AP1G1: variants seen among roughly 807,000 people sequenced by gnomAD.
AP1G1 encodes the protein adaptor related protein complex 1 subunit gamma 1.
A neutral mutation model predicts 108.3 loss-of-function variants in AP1G1; 7 were observed. The observed-to-expected ratio is 0.06, with a 90% CI of 0.04 to 0.12. The LOEUF is 0.12. Ranked by LOEUF, AP1G1 falls within the 10% of genes least tolerant of loss-of-function variation. The pLI is 1.00. For missense variants in AP1G1, 756 were observed against 1,010.7 expected (o/e 0.75, Z 3.42); for synonymous variants, 379 against 353.5 (o/e 1.07, Z -0.81).
chr16:71,799,076 C>A (rs963720925), intron 1 of AP1G1, among the ~76,000 whole-genome samples: 1 of 151,904 alleles, frequency 6.6e-6, no homozygotes, highest in African/African-American at 2.4e-5. Flanking sequence ...ATAAGGCTAG[C>A]CCCAGTAACA....
intron 22 of AP1G1, 64 bp downstream of exon 22, chr16:71,734,545 A>G: frequency 7.4e-7 from 1 of 1,350,490 alleles, no homozygotes; most frequent in Non-Finnish European, 1.1e-6. Context: ...AACAAAGCAG[A>G]ATTTTATTTC....
chr16:71,788,428 T>C (rs1429287964), intron 2 of AP1G1, among the ~76,000 whole-genome samples: 1 of 152,174 alleles, frequency 6.6e-6, no homozygotes, highest in Non-Finnish European at 1.5e-5. Flanking sequence ...TCATTGAGAC[T>C]ATCATTCTCA....
At chr16:71,744,366 A>T (rs2030047905) in intron 19 of AP1G1, among the ~76,000 whole-genome samples, 1 of 152,198 alleles carries the variant, frequency 6.6e-6, no homozygotes, top group African/African-American at 2.4e-5. Context: ...ATGTTTGAAT[A>T]TTATGAGTGA....
chr16:71,771,652 A>T (rs1340561375), intron 4 of AP1G1, among the ~76,000 whole-genome samples: 1 of 152,248 alleles, frequency 6.6e-6, no homozygotes, highest in Non-Finnish European at 1.5e-5. Flanking sequence ...AAGTAGGCAA[A>T]AACTTTCTAC....
Position 71,772,643 on chromosome 16 carries a change from C to T in AP1G1, c.468+578G>A, listed in dbSNP as rs2031621197. 3.9e-5 allele frequency among the ~76,000 whole-genome samples: 6 copies of T among 152,174 alleles called. No homozygotes were observed. In the South Asian group the frequency reaches 1.2e-3, roughly 31 times the overall value. ...TTCCCAAACCATTAATAGAGAGGCA[C>T]AGTAAATGCCAAACAGATCACAGTT... is the stretch of plus-strand genomic sequence containing the variant. On this transcript the variant is annotated intron_variant, in intron 4 of 22. Transcript: ENST00000299980.
Position 71,768,500 on chromosome 16 carries a change from C to CAAAAAAA in AP1G1, c.642+1116_642+1122dup, listed in dbSNP as rs527404594. On this transcript the variant is annotated intron_variant, in intron 6 of 22. Coordinates refer to ENST00000299980, the MANE Select transcript of AP1G1 (RefSeq NM_001128.6). ...TGGGCGACAGAGCCAGACTCCGCCA[C>CAAAAAAA]AAAAAAAAAAAAAGAGAGAAGGGAG... Among the ~76,000 whole-genome samples, 24 of 83,734 alleles carry CAAAAAAA rather than the reference C, an allele frequency of 2.9e-4. 6 individuals are homozygous for CAAAAAAA. The highest frequency in any genetic ancestry group is 1.3e-3 in the Admixed American group (7 of 5,562). The allele number at this position is 83,734 out of a possible 152,430, so 54.9% of individuals were successfully genotyped here.
chr16:71,763,285 T>G (rs1447678333), intron 9 of AP1G1, among the ~76,000 whole-genome samples: 1 of 152,210 alleles, frequency 6.6e-6, no homozygotes, highest in East Asian at 1.9e-4. Context: ...TTTTTTCTTG[T>G]ATCTCTTCAG....
intron 22 of AP1G1, among the ~76,000 whole-genome samples, chr16:71,733,874 CAGT>C (rs1462097664): frequency 6.6e-6 from 1 of 152,158 alleles, no homozygotes; most frequent in East Asian, 1.9e-4. Context: ...CAGGTAACAG[CAGT>C]AGTTTTAAGA....
intron 1 of AP1G1, chr16:71,808,278 C>T: frequency 1.1e-6 from 1 of 925,876 alleles, no homozygotes; most frequent in Non-Finnish European, 1.4e-6. Context: ...GGCCGATGTC[C>T]GGTTCCGAGA....
chr16:71,808,253 G>T (rs1400123193), intron 1 of AP1G1: 2 of 1,047,030 alleles, frequency 1.9e-6, no homozygotes, highest in East Asian at 1.4e-4. Flanking sequence ...TGGTCGGAAG[G>T]TTAGAGAGAG....
Position 71,774,477 on chromosome 16 carries a change from C to G in AP1G1, c.317G>C (p.Cys106Ser), listed in dbSNP as rs758371636. The G allele has an allele frequency of 2.5e-6, 4 of 1,597,328 alleles. No homozygotes were observed. The South Asian group carries it at 4.6e-5, about 18-fold the overall frequency. ...GAAAAGTAAGACTTACTTCTTGATACAGTTGGTCATGAGAAGATGGACATC... is the reference window on the plus strand; with the variant it reads ...GAAAAGTAAGACTTACTTCTTGATAGAGTTGGTCATGAGAAGATGGACATC... ...RQDVHLLMTN[C>S]IKNDLNHSTQ... is the part of the protein sequence containing the mutation. Residue 106 changes from cysteine to serine, a missense_variant, in exon 3 of 23, where the codon TGT becomes TCT. Around this residue, in one of 3 missense-constraint regions of AP1G1, gnomAD observed 304 missense variants for 483.6 expected, o/e 0.63. Transcript: ENST00000299980.
chr16:71,732,257 T>A lies in AP1G1; in HGVS notation c.*801A>T, dbSNP rs914616144. 6.5e-5 allele frequency: 10 copies of A among 152,688 alleles called. No individual in the cohort carries two copies. Among genetic ancestry groups the A allele is most frequent in the South Asian group, 6.2e-4 (3 of 4,826 alleles). The allele number at this position is 152,688 out of a possible 1,614,324, so 9.5% of individuals were successfully genotyped here. A position where few individuals can be genotyped will look rare whatever the true frequency, so the allele number is the denominator to read the frequency against. ...AATCAATTTTGAAAATCATGGAGAC[T>A]ATTCATGACTACAGCTAAAGAATGG... On this transcript the variant is annotated 3_prime_UTR_variant, in exon 23 of 23. Coordinates refer to ENST00000299980, the MANE Select transcript of AP1G1 (RefSeq NM_001128.6).
chr16:71,782,485 A>T (rs1052079709), intron 2 of AP1G1, among the ~76,000 whole-genome samples: 32 of 149,910 alleles, frequency 2.1e-4, no homozygotes, highest in African/African-American at 4.4e-4. Flanking sequence ...TATTATTATT[A>T]TTATTTTTAT....
intron 21 of AP1G1, among the ~76,000 whole-genome samples, chr16:71,735,700 T>C (rs945491483): frequency 2.6e-5 from 4 of 151,724 alleles, no homozygotes; most frequent in Admixed American, 6.6e-5. Flanking sequence ...AGGTAAACCA[T>C]ACTGTACTAC....
In AP1G1 at chr16:71,808,633, GTCTTC is replaced by G. The variant is rs774548865; in HGVS notation, c.-4+125_-4+129del. On this transcript the variant is annotated intron_variant, in intron 1 of 22. Transcript: ENST00000299980. ...CGGCCTCTCCTGGCCCAGCTTCTCT[GTCTTC>G]TCTTCTCAACACCCACAGCCTGGGA... 4.5e-5 allele frequency: 58 copies of G among 1,289,750 alleles called. No individual in the cohort carries two copies. In the Middle Eastern group the frequency reaches 6.4e-4, roughly 14 times the overall value. 79.9% of individuals were successfully genotyped at this position (1,289,750 alleles called of 1,614,324 possible).
chr16:71,782,417 G>C (rs973302535), intron 2 of AP1G1, among the ~76,000 whole-genome samples: 1 of 151,864 alleles, frequency 6.6e-6, no homozygotes, highest in Non-Finnish European at 1.5e-5. Context: ...GCCCGCCTCA[G>C]CCTCACAAAA....
intron 2 of AP1G1, among the ~76,000 whole-genome samples, chr16:71,779,360 G>A (rs1026294662): frequency 6.6e-6 from 1 of 151,740 alleles, no homozygotes; most frequent in Non-Finnish European, 1.5e-5. Flanking sequence ...GAGTAGGGGG[G>A]AGAGTCTCAC....
At chr16:71,763,582 C>T (rs2031193191) in intron 9 of AP1G1, among the ~76,000 whole-genome samples, 1 of 151,926 alleles carries the variant, frequency 6.6e-6, no homozygotes, top group Admixed American at 6.6e-5. Context: ...GGAAGTGGCT[C>T]CAAGATAATG....
intron 6 of AP1G1, chr16:71,767,854 T>C (rs772465968): frequency 1.3e-6 from 2 of 1,598,628 alleles, no homozygotes; most frequent in Non-Finnish European, 8.5e-7. Context: ...GCATGCACCA[T>C]CTAAAAGAGG....
Sources: allele counts gnomAD v4.1 joint callset (sites outside exome capture counted in the v4.1 genomes callset), GRCh38; gene constraint gnomAD v4.1.1; regional missense constraint gnomAD v4.1.1; transcripts MANE v1.5; gene names NCBI Gene and HGNC (gene_info 2026-07-23, HGNC 2026-07-21).